Variants in CHST8 observed in about 807,000 individuals in gnomAD.
CHST8 encodes the protein carbohydrate sulfotransferase 8.
A neutral mutation model predicts 15.0 loss-of-function variants in CHST8; 10 were observed. The ratio of observed to expected loss-of-function variants is 0.67; its 90% CI spans 0.41 to 1.13. CHST8 has a LOEUF of 1.13. CHST8 is among the 50% of genes most tolerant of loss of function. CHST8 has a pLI of 0.00. For missense variants in CHST8, 634 were observed against 608.2 expected (o/e 1.04, Z -0.45); for synonymous variants, 259 against 256.6 (o/e 1.01, Z -0.09).
chr19:33,735,274 G>A (rs772391134), intron 3 of CHST8, among the ~76,000 whole-genome samples: 32 of 152,308 alleles, frequency 2.1e-4, no homozygotes, highest in Non-Finnish European at 3.7e-4. Context: ...GGGGTACTTG[G>A]AGAAAAGGCT....
At chr19:33,674,135 G>C (rs1184624826) in intron 2 of CHST8, among the ~76,000 whole-genome samples, 9 of 152,188 alleles carry the variant, frequency 5.9e-5, no homozygotes, top group African/African-American at 2.2e-4. Context: ...ATTTTGGTTA[G>C]GGTCTCCTTG....
chr19:33,757,392 A>C (rs190651380), intron 3 of CHST8, among the ~76,000 whole-genome samples: 1 of 4,838 alleles, frequency 2.1e-4, no homozygotes, highest in East Asian at 0.01. Flanking sequence ...AAAAAGAAGA[A>C]AGAAAGAAAG....
At chr19:33,765,506 C>T (rs1045085691) in intron 3 of CHST8, among the ~76,000 whole-genome samples, 7 of 126,334 alleles carry the variant, frequency 5.5e-5, no homozygotes, top group African/African-American at 2.2e-4. Context: ...TAGACAAATG[C>T]CAGTCTTTGT....
chr19:33,757,498 G>T (rs536265564), intron 3 of CHST8, among the ~76,000 whole-genome samples: 15 of 47,134 alleles, frequency 3.2e-4, no homozygotes, highest in South Asian at 1.3e-3. Context: ...AAGAAAGAAA[G>T]AAAGAAAGAA....
chr19:33,700,153 C>T (rs549955519), intron 3 of CHST8, among the ~76,000 whole-genome samples: 4 of 152,330 alleles, frequency 2.6e-5, no homozygotes, highest in African/African-American at 7.2e-5. Flanking sequence ...CTGCTTTCCC[C>T]GGGCAGGTGG....
At chr19:33,637,877 G>A (rs73029364) in intron 1 of CHST8, among the ~76,000 whole-genome samples, 9,570 of 136,048 alleles carry the variant, frequency 0.07, 353 homozygotes, top group East Asian at 0.15. Flanking sequence ...AAAAAAAAAA[G>A]AAAGGTCCCA....
At chr19:33,741,334 GA>G (rs1213593321) in intron 3 of CHST8, among the ~76,000 whole-genome samples, 1 of 151,406 alleles carries the variant, frequency 6.6e-6, no homozygotes, top group Admixed American at 6.6e-5. Flanking sequence ...TTGCACTCAG[GA>G]AGCTTGTTGG....
At chr19:33,752,767 C>T (rs1321428199) in intron 3 of CHST8, among the ~76,000 whole-genome samples, 1 of 152,128 alleles carries the variant, frequency 6.6e-6, no homozygotes, top group East Asian at 1.9e-4. Context: ...ACATATTTCC[C>T]CAGTAACATT....
At chr19:33,700,461 T>C (rs1189569142) in intron 3 of CHST8, among the ~76,000 whole-genome samples, 2 of 152,230 alleles carry the variant, frequency 1.3e-5, no homozygotes, top group African/African-American at 4.8e-5. Context: ...CGCCCTCCCA[T>C]GCCTCACTTT....
chr19:33,661,515 A>G (rs1276126805), intron 1 of CHST8, among the ~76,000 whole-genome samples: 2 of 152,110 alleles, frequency 1.3e-5, no homozygotes, highest in African/African-American at 4.8e-5. Flanking sequence ...GTCTTTCCCC[A>G]TGGAGGGTCC....
chr19:33,668,028 C>T (rs555091408), intron 2 of CHST8, among the ~76,000 whole-genome samples, 185 bp downstream of exon 2: 10 of 152,064 alleles, frequency 6.6e-5, no homozygotes, highest in Non-Finnish European at 1.5e-4. Context: ...CCTAAAACAA[C>T]AGGGCCTGAG....
intron 1 of CHST8, among the ~76,000 whole-genome samples, chr19:33,647,231 A>G (rs932288508): frequency 1.3e-5 from 2 of 152,240 alleles, no homozygotes; most frequent in African/African-American, 4.8e-5. Flanking sequence ...CGAAGACTCC[A>G]GGGAGATGAG....
intron 3 of CHST8, among the ~76,000 whole-genome samples, chr19:33,734,673 G>T (rs546773865): frequency 6.6e-4 from 100 of 152,280 alleles, no homozygotes; most frequent in Non-Finnish European, 1.1e-3. Context: ...CACTTTCTCA[G>T]TGCCCAGGCC....
intron 3 of CHST8, among the ~76,000 whole-genome samples, chr19:33,720,491 C>G (rs547274562): frequency 3.9e-5 from 6 of 151,926 alleles, no homozygotes; most frequent in African/African-American, 1.4e-4. Context: ...ACACTGCACA[C>G]CACACACACC....
intron 1 of CHST8, among the ~76,000 whole-genome samples, chr19:33,653,037 A>G (rs1470598253): frequency 6.6e-6 from 1 of 152,212 alleles, no homozygotes; most frequent in Non-Finnish European, 1.5e-5. Flanking sequence ...TTAAAAAATC[A>G]TTATTACTGT....
rs1454691341 is a variant in CHST8 at position 33,639,547 on chromosome 19, C to T, written c.-164+17251C>T. Among the ~76,000 whole-genome samples the T allele has an allele frequency of 1.1e-4, 16 of 152,088 alleles. No homozygotes were observed. In the East Asian group the frequency reaches 2.3e-3, roughly 22 times the overall value. On this transcript the variant is annotated intron_variant, in intron 1 of 4. Transcript: ENST00000650847. Reference sequence around the variant, plus strand: ...GAGGATTAATGGTAAGGTCATGGAACGAGGAGATGGCAGACAACCTCAAAT... The same window carrying T: ...GAGGATTAATGGTAAGGTCATGGAATGAGGAGATGGCAGACAACCTCAAAT...
At chr19:33,765,856 G>A (rs989325691) in intron 3 of CHST8, among the ~76,000 whole-genome samples, 5 of 152,086 alleles carry the variant, frequency 3.3e-5, no homozygotes, top group African/African-American at 9.7e-5. Flanking sequence ...CACCACGCCC[G>A]GCCAGGAAGG....
rs372610652 is a variant in CHST8, at chr19:33,658,697, T to G, written c.-163-9070T>G. On this transcript the variant is annotated intron_variant, in intron 1 of 4. Transcript: ENST00000650847. ...CTGTAAACTTTGAGGTTTTTCTCTT[T>G]GTTTTGATATTCTGGAGTTTTACCA... Among the ~76,000 whole-genome samples the G allele has an allele frequency of 6.6e-5, 10 of 152,330 alleles. No homozygotes were observed. In the East Asian group the frequency reaches 1.5e-3, roughly 24 times the overall value.
At chr19:33,763,526 G>A (rs1014361810) in intron 3 of CHST8, among the ~76,000 whole-genome samples, 1 of 152,194 alleles carries the variant, frequency 6.6e-6, no homozygotes, top group Non-Finnish European at 1.5e-5. Flanking sequence ...TACCTGTCCC[G>A]TGTCCTAGGG....
Sources: allele counts gnomAD v4.1 joint callset (sites outside exome capture counted in the v4.1 genomes callset), GRCh38; gene constraint gnomAD v4.1.1; transcripts MANE v1.5; gene names NCBI Gene and HGNC (gene_info 2026-07-23, HGNC 2026-07-21).